Variants in PEBP4 observed in about 807,000 individuals in gnomAD.
PEBP4 encodes phosphatidylethanolamine-binding protein 4.
Under a neutral mutation model 23.9 loss-of-function variants are expected in PEBP4, and 22 were observed. The ratio of observed to expected loss-of-function variants is 0.92; its 90% CI spans 0.66 to 1.31. The LOEUF (loss-of-function observed/expected upper bound fraction) is 1.31, where lower values mean the gene tolerates loss of function less well. Ranked by LOEUF, PEBP4 falls within the 40% of genes most tolerant of loss-of-function variation. The pLI is 0.00. For synonymous variants in PEBP4, 112 were observed against 99.3 expected (o/e 1.13, Z -0.76); for missense variants, 324 against 281.7 (o/e 1.15, Z -1.07).
intron 3 of PEBP4, among the ~76,000 whole-genome samples, chr8:22,830,803 A>C (rs1482054875): frequency 1.3e-5 from 2 of 152,030 alleles, no homozygotes; most frequent in Non-Finnish European, 2.9e-5. Flanking sequence ...CTACCACCAC[A>C]TCAACCACCA....
rs376099667 is a variant in PEBP4, at chr8:22,883,622, G to T, written c.258+36562C>A. On this transcript the variant is annotated intron_variant, in intron 3 of 6. Transcript: ENST00000256404. ...GCTAATGAGTCGTCTTGAACCTTGC[G>T]TGGTGTTACCTCTAATTTTGCAGCC... Among the ~76,000 whole-genome samples, 161 of 152,266 alleles carry T rather than the reference G, an allele frequency of 1.1e-3. 1 individual carries two copies. The highest frequency in any genetic ancestry group is 2.4e-4 in the Non-Finnish European group (16 of 68,020).
At chr8:22,850,569 GTGTGTC>G (rs1807531284) in intron 3 of PEBP4, among the ~76,000 whole-genome samples, 1 of 152,124 alleles carries the variant, frequency 6.6e-6, no homozygotes, top group Admixed American at 6.6e-5. Context: ...GTGTGTGTGT[GTGTGTC>G]TGTGTGTCTG....
intron 4 of PEBP4, among the ~76,000 whole-genome samples, chr8:22,741,228 T>C (rs1403217555): frequency 1.3e-5 from 2 of 152,196 alleles, no homozygotes; most frequent in Non-Finnish European, 2.9e-5. Context: ...CCATCTCTGC[T>C]GAGCTGCCGT....
intron 4 of PEBP4, among the ~76,000 whole-genome samples, chr8:22,749,826 G>A (rs1424470713): frequency 3.3e-5 from 1 of 30,532 alleles, no homozygotes; most frequent in African/African-American, 7.8e-5. Context: ...TTTTTTTTGA[G>A]ATGGAGTTTC....
At chr8:22,780,853 G>A (rs534057463) in intron 4 of PEBP4, among the ~76,000 whole-genome samples, 4 of 152,314 alleles carry the variant, frequency 2.6e-5, no homozygotes, top group East Asian at 1.9e-4. Flanking sequence ...GAAAGGAAAC[G>A]AGTGTGCTCC....
chr8:22,769,178 C>T (rs1805668785), intron 4 of PEBP4, among the ~76,000 whole-genome samples: 1 of 152,212 alleles, frequency 6.6e-6, no homozygotes, highest in Admixed American at 6.5e-5. Context: ...CCTCAGTGCC[C>T]CTCAGTGCCC....
chr8:22,893,772 G>A (rs1340115237), intron 3 of PEBP4, among the ~76,000 whole-genome samples: 1 of 151,870 alleles, frequency 6.6e-6, no homozygotes. Flanking sequence ...AAAAAAGACT[G>A]AAAAAAACCC....
At position 22,865,138 on chromosome 8, in the gene PEBP4, G is replaced by T. The variant is rs919144101; in HGVS notation, c.259-47403C>A. On this transcript the variant is annotated intron_variant, in intron 3 of 6. Transcript: ENST00000256404. This position sits in a 1 kb window ranked among gnomAD's most constrained non-coding sequence, Gnocchi z 6.9. ...AGAAGGGCTGGGGCGGCCCGGGGAA[G>T]AACCAGTGCTGGACGGGGCTAGAGG... Among the ~76,000 whole-genome samples the T allele has an allele frequency of 1.5e-4, 23 of 151,202 alleles. No homozygotes were observed. The highest frequency in any genetic ancestry group is 5.6e-4 in the African/African-American group (23 of 41,190).
At chr8:22,805,608 G>C (rs886080821) in intron 4 of PEBP4, among the ~76,000 whole-genome samples, 1 of 152,200 alleles carries the variant, frequency 6.6e-6, no homozygotes, top group African/African-American at 2.4e-5. Flanking sequence ...CTACAGGCAT[G>C]AGCCACCATG....
At chr8:22,872,106 T>C (rs1808018301) in intron 3 of PEBP4, among the ~76,000 whole-genome samples, 1 of 152,260 alleles carries the variant, frequency 6.6e-6, no homozygotes, top group East Asian at 1.9e-4. Context: ...AAGACATTAT[T>C]TCATTCCTTT....
intron 4 of PEBP4, among the ~76,000 whole-genome samples, chr8:22,734,735 T>C (rs1181033226): frequency 6.6e-6 from 1 of 152,112 alleles, no homozygotes; most frequent in Non-Finnish European, 1.5e-5. Flanking sequence ...TTGAGGGATG[T>C]GTAGGAGCTT....
At chr8:22,809,797 A>G (rs1319155200) in intron 4 of PEBP4, among the ~76,000 whole-genome samples, 2 of 151,748 alleles carry the variant, frequency 1.3e-5, no homozygotes, top group African/African-American at 4.8e-5. Context: ...GTTGTTGTTA[A>G]TATGTTCTAT....
At chr8:22,716,611 A>C (rs549025286) in intron 6 of PEBP4, among the ~76,000 whole-genome samples, 1 of 152,226 alleles carries the variant, frequency 6.6e-6, no homozygotes, top group African/African-American at 2.4e-5. Flanking sequence ...AAGCTTCCCA[A>C]ATCTGTGGGG....
intron 4 of PEBP4, among the ~76,000 whole-genome samples, chr8:22,777,220 C>A (rs1805831121): frequency 6.6e-6 from 1 of 152,130 alleles, no homozygotes; most frequent in South Asian, 2.1e-4. Context: ...CCTCAGGTCC[C>A]CCTGAGTTCC....
At chr8:22,818,640 G>A (rs1563226682) in intron 3 of PEBP4, among the ~76,000 whole-genome samples, 1 of 152,138 alleles carries the variant, frequency 6.6e-6, no homozygotes, top group Non-Finnish European at 1.5e-5. Context: ...ACAGTGATAT[G>A]CTCTGATTTA....
At chr8:22,736,331 G>A (rs1256610374) in intron 4 of PEBP4, among the ~76,000 whole-genome samples, 1 of 152,182 alleles carries the variant, frequency 6.6e-6, no homozygotes, top group African/African-American at 2.4e-5. Context: ...GAGTGGGGGT[G>A]CGTTGTCTCA....
intron 4 of PEBP4, among the ~76,000 whole-genome samples, chr8:22,766,427 A>G (rs1251345995): frequency 1.3e-5 from 2 of 152,246 alleles, no homozygotes; most frequent in Non-Finnish European, 2.9e-5. Context: ...TCATTTGCAA[A>G]AGGAGATCCT....
intron 2 of PEBP4, among the ~76,000 whole-genome samples, chr8:22,927,126 C>T (rs777551805): frequency 5.9e-5 from 9 of 152,198 alleles, no homozygotes; most frequent in South Asian, 2.1e-4. Flanking sequence ...CCTGCACAAA[C>T]GCTCCTGGGT....
In PEBP4 at chr8:22,925,097, G is replaced by T. The variant is rs576053679; in HGVS notation, c.131+2487C>A. 22 of 985,322 alleles carry T rather than the reference G, an allele frequency of 2.2e-5. No individual in the cohort carries two copies. The Admixed American group carries it at 1.0e-3, about 47-fold the overall frequency. The allele number at this position is 985,322 out of a possible 1,614,324, so 61.0% of individuals were successfully genotyped here. On this transcript the variant is annotated intron_variant, in intron 2 of 6. Coordinates refer to ENST00000256404, the MANE Select transcript of PEBP4 (RefSeq NM_144962.3). The stretch of plus-strand genomic sequence containing the variant: ...GGTCCTGCTGTCTCCTCAGGGGTCC[G>T]ATCTGTCCTTGATGCATTTTTCATT...
Sources: gnomAD v4.1 joint callset for allele counts (sites outside exome capture counted in the v4.1 genomes callset) on GRCh38, gnomAD v4.1.1 for gene constraint, Gnocchi (gnomAD v3.1) non-coding constraint, MANE v1.5 for transcripts, NCBI Gene and HGNC (gene_info 2026-07-23, HGNC 2026-07-21) for gene names.